The following BRINP3 variants were observed in gnomAD, a reference collection of about 807,000 sequenced individuals.
The protein encoded by BRINP3 is BMP/retinoic acid inducible neural specific 3, also known as BMP/retinoic acid-inducible neural-specific protein 3.
Under a neutral mutation model 71.0 loss-of-function variants are expected in BRINP3, and 19 were observed. The ratio of observed to expected loss-of-function variants is 0.27; its 90% CI spans 0.19 to 0.39. The LOEUF (loss-of-function observed/expected upper bound fraction) is 0.39, where lower values mean the gene tolerates loss of function less well. BRINP3 is among the 10% of genes least tolerant of loss of function. BRINP3 has a pLI of 1.00. For synonymous variants in BRINP3, 380 were observed against 337.7 expected (o/e 1.13, Z -1.37); for missense variants, 959 against 940.8 (o/e 1.02, Z -0.25).
chr1:190,359,610 A>C (rs1668998849), intron 2 of BRINP3, among the ~76,000 whole-genome samples: 1 of 151,992 alleles, frequency 6.6e-6, no homozygotes, highest in Non-Finnish European at 1.5e-5. Flanking sequence ...GAAATCAACC[A>C]ATCAATTAAT....
intron 5 of BRINP3, among the ~76,000 whole-genome samples, chr1:190,231,932 ATT>A (rs1291300002): frequency 6.6e-6 from 1 of 151,888 alleles, no homozygotes; most frequent in African/African-American, 2.4e-5. Flanking sequence ...TTCAGGAACA[ATT>A]TTTCTTTTTC....
intron 7 of BRINP3, among the ~76,000 whole-genome samples, chr1:190,107,283 C>T (rs1221724116): frequency 6.6e-6 from 1 of 151,866 alleles, no homozygotes; most frequent in Non-Finnish European, 1.5e-5. Context: ...TACATTCTGA[C>T]AACATCTAGC....
chr1:190,142,660 C>T (rs1655553773), intron 7 of BRINP3, among the ~76,000 whole-genome samples: 1 of 151,356 alleles, frequency 6.6e-6, no homozygotes, highest in Admixed American at 6.6e-5. Flanking sequence ...CCATACTTGT[C>T]TTCATTTTAA....
Position 190,454,705 on chromosome 1 carries a change from A to G in BRINP3, c.186T>C (p.Asp62=). 6.2e-7 allele frequency: 1 copy of G among 1,614,124 alleles called. No homozygotes were observed. Among genetic ancestry groups the G allele is most frequent in the Non-Finnish European group, 8.5e-7 (1 of 1,180,032 alleles). The part of the protein sequence containing the change: ...GPFHRSQEYT[D]FVDRSRQGFS... ...ATCCCTGCCGGCTTCTGTCCACAAA[A>G]TCTGTGTATTCCTGTGAGCGATGGA... Residue 62 remains aspartate (D), a synonymous_variant, in exon 2 of 8, where the codon GAT becomes GAC. Transcript: ENST00000367462.
intron 2 of BRINP3, among the ~76,000 whole-genome samples, chr1:190,305,849 C>T (rs577548691): frequency 1.4e-3 from 209 of 151,798 alleles, no homozygotes; most frequent in Non-Finnish European, 2.6e-3. Context: ...TGCTAATTAT[C>T]CTGATTTGAT....
At chr1:190,277,358 G>A (rs981576256) in intron 3 of BRINP3, among the ~76,000 whole-genome samples, 9 of 151,058 alleles carry the variant, frequency 6.0e-5, no homozygotes, top group Non-Finnish European at 1.0e-4. Context: ...CCTTAGAGCT[G>A]AGAGAGACAA....
At position 190,163,211 on chromosome 1, in the gene BRINP3, C is replaced by T. The variant is rs372730443; in HGVS notation, c.962-2321G>A. Among the ~76,000 whole-genome samples the T allele has an allele frequency of 4.6e-5, 7 of 151,874 alleles. No individual in the cohort carries two copies. In the East Asian group the frequency reaches 7.7e-4, roughly 17 times the overall value. Reference sequence around the variant, plus strand: ...TTTACATAACTACAGAAATAAAACACAATTGTTAGGGATGCCAGATAACAT... The same window carrying T: ...TTTACATAACTACAGAAATAAAACATAATTGTTAGGGATGCCAGATAACAT... On this transcript the variant is annotated intron_variant, in intron 6 of 7. Coordinates refer to ENST00000367462, the MANE Select transcript of BRINP3 (RefSeq NM_199051.3).
intron 6 of BRINP3, among the ~76,000 whole-genome samples, chr1:190,174,300 G>C (rs1174670866): frequency 6.6e-6 from 1 of 152,040 alleles, no homozygotes; most frequent in Non-Finnish European, 1.5e-5. Flanking sequence ...CGTCATTAAT[G>C]TGTCTTATTT....
intron 2 of BRINP3, among the ~76,000 whole-genome samples, chr1:190,339,115 A>G (rs1667486354): frequency 6.6e-6 from 1 of 152,126 alleles, no homozygotes; most frequent in Non-Finnish European, 1.5e-5. Flanking sequence ...TATTGAAAGA[A>G]TGCTCAGCAC....
Position 190,436,686 on chromosome 1 carries a change from T to C in BRINP3, c.236+17969A>G, listed in dbSNP as rs183680477. ...TCATACAATTTAACAAATAATTAAA[T>C]GTAGGAAATATGCCTGGTTGAAAAT... On this transcript the variant is annotated intron_variant, in intron 2 of 7. Transcript: ENST00000367462. Among the ~76,000 whole-genome samples, 14 of 151,930 alleles carry C rather than the reference T, an allele frequency of 9.2e-5. No homozygotes were observed. In the East Asian group the frequency reaches 2.3e-3, roughly 25 times the overall value.
rs766236131 is a variant in BRINP3, at chr1:190,098,395, C to G, written c.1924G>C (p.Glu642Gln). ...TCCAGAGGTTCATAGTAAATGCTCTCATTACCATTGGGACCATTGGACTTG... is the reference window on the plus strand; with the variant it reads ...TCCAGAGGTTCATAGTAAATGCTCTGATTACCATTGGGACCATTGGACTTG... ...RIKSNGPNGN[E>Q]SIYYEPLEFI... is the part of the protein sequence containing the mutation. The change falls in exon 8 of 8, where the codon GAG becomes CAG. Residue 642 changes from glutamate to glutamine, a missense_variant. Coordinates refer to ENST00000367462, the MANE Select transcript of BRINP3 (RefSeq NM_199051.3). The G allele has an allele frequency of 2.5e-6, 4 of 1,614,186 alleles. No homozygotes were observed. The highest frequency in any genetic ancestry group is 8.5e-7 in the Non-Finnish European group (1 of 1,180,046).
At chr1:190,245,174 A>G (rs989658179) in intron 4 of BRINP3, among the ~76,000 whole-genome samples, 9 of 151,980 alleles carry the variant, frequency 5.9e-5, no homozygotes, top group Non-Finnish European at 1.2e-4. Flanking sequence ...AGACTCAAGC[A>G]TAATTAGAAA....
chr1:190,467,483 T>C (rs1175964049), intron 1 of BRINP3, among the ~76,000 whole-genome samples: 1 of 151,570 alleles, frequency 6.6e-6, no homozygotes, highest in Non-Finnish European at 1.5e-5. Flanking sequence ...GTAAAGCATG[T>C]CAGAACTCTG....
rs528261544 is a variant in BRINP3 at position 190,097,744 on chromosome 1, C to T, written c.*274G>A. ...AGGATGTAATGCACAAAAGCATTGC[C>T]ACGGAACATATAAAATTACAAATGA... On this transcript the variant is annotated 3_prime_UTR_variant, in exon 8 of 8. Transcript: ENST00000367462. 5 of 326,916 alleles carry T rather than the reference C, an allele frequency of 1.5e-5. No homozygotes were observed. The highest frequency in any genetic ancestry group is 1.1e-4 in the African/African-American group (5 of 47,112). The allele number at this position is 326,916 out of a possible 1,614,324, so 20.3% of individuals were successfully genotyped here.
intron 2 of BRINP3, among the ~76,000 whole-genome samples, chr1:190,390,168 G>C (rs1290380146): frequency 6.6e-6 from 1 of 151,580 alleles, no homozygotes; most frequent in East Asian, 1.9e-4. Flanking sequence ...TCTTGTAATT[G>C]CTTCATTTCC....
intron 5 of BRINP3, among the ~76,000 whole-genome samples, chr1:190,228,679 C>T (rs1415781795): frequency 6.6e-6 from 1 of 151,896 alleles, no homozygotes; most frequent in Non-Finnish European, 1.5e-5. Context: ...GCGCTCAAAA[C>T]ACTTGAATTT....
At chr1:190,323,383 C>T (rs1192886087) in intron 2 of BRINP3, among the ~76,000 whole-genome samples, 1 of 151,740 alleles carries the variant, frequency 6.6e-6, no homozygotes, top group East Asian at 1.9e-4. Context: ...ATATAGTTGT[C>T]ATATTTAGTG....
chr1:190,234,269 G>T, intron 5 of BRINP3, 103 bp downstream of exon 5: 2 of 619,582 alleles, frequency 3.2e-6, no homozygotes, highest in Non-Finnish European at 5.3e-6. Context: ...GTTTTTAATA[G>T]CCTGTATGTA....
At chr1:190,421,897 C>T (rs1054524069) in intron 2 of BRINP3, among the ~76,000 whole-genome samples, 1 of 151,646 alleles carries the variant, frequency 6.6e-6, no homozygotes, top group Non-Finnish European at 1.5e-5. Context: ...GTGGACATTC[C>T]TTGCATTCTT....
Sources: gnomAD v4.1 joint callset for allele counts (sites outside exome capture counted in the v4.1 genomes callset) on GRCh38, gnomAD v4.1.1 for gene constraint, MANE v1.5 for transcripts, NCBI Gene and HGNC (gene_info 2026-07-23, HGNC 2026-07-21) for gene names.